Variants in TMEM131 observed in about 807,000 individuals in gnomAD.
TMEM131 encodes the protein 2610524E03Rik.
Under a neutral mutation model 211.6 loss-of-function variants are expected in TMEM131, and 66 were observed. The ratio of observed to expected loss-of-function variants is 0.31; its 90% confidence interval spans 0.26 to 0.38. The LOEUF is 0.38. TMEM131 is among the 10% of genes least tolerant of loss of function. The pLI, the probability that TMEM131 is intolerant of heterozygous loss-of-function variation, is 1.00. For missense variants in TMEM131, 2,036 were observed against 2,299.3 expected, an observed-to-expected ratio of 0.89 and a Z score of 2.34; for synonymous variants, 844 against 841.3, an observed-to-expected ratio of 1.00 and a Z score of -0.06.
Position 97,812,522 on chromosome 2 carries a change from C to T in TMEM131, c.1762G>A (p.Gly588Ser), listed in dbSNP as rs763239439. 33 of 1,610,916 alleles carry T rather than the reference C, an allele frequency of 2.0e-5. No individual in the cohort carries two copies. Among genetic ancestry groups the T allele is most frequent in the South Asian group, 1.0e-4 (9 of 90,304 alleles). ...AIKSWHIIGD[G>S]LSIELVAVER... ...ACAGCTACAAGTTCTATTGATAAACCGTCTCCTATGATATGCCAACTTTTT... is the reference window on the plus strand; with the variant it reads ...ACAGCTACAAGTTCTATTGATAAACTGTCTCCTATGATATGCCAACTTTTT... The change falls in exon 17 of 41, where the codon GGT (glycine) becomes AGT (serine). Residue 588 changes from glycine (G) to serine (S), a missense_variant. Physicochemically the swap from Gly to Ser is moderately conservative, Grantham distance 56. Transcript: ENST00000186436.
At chr2:97,805,032 T>C (rs1197751045) in intron 22 of TMEM131, 56 bp downstream of exon 22, 1 of 1,175,016 alleles carries the variant, frequency 8.5e-7, no homozygotes, top group Non-Finnish European at 1.2e-6. Context: ...GAAAGCATTA[T>C]GTTTCAATAG....
At chr2:97,976,924 T>C (rs1048695765) in intron 1 of TMEM131, among the ~76,000 whole-genome samples, 1 of 151,202 alleles carries the variant, frequency 6.6e-6, no homozygotes, top group Non-Finnish European at 1.5e-5. Context: ...TTAATTGACT[T>C]TTTAATAGAC....
At chr2:97,859,572 A>C in intron 4 of TMEM131, 145 bp from the exon 5 acceptor site, 1 of 766,914 alleles carries the variant, frequency 1.3e-6, no homozygotes, top group East Asian at 3.2e-5. Flanking sequence ...AAAATTACAC[A>C]TAAAAATGCA....
intron 4 of TMEM131, among the ~76,000 whole-genome samples, chr2:97,861,903 T>C (rs1674083492): frequency 6.6e-6 from 1 of 152,038 alleles, no homozygotes. Flanking sequence ...CAGGGAGTGG[T>C]TACAGTGGGC....
At chr2:97,849,511 G>A (rs1310810162) in intron 5 of TMEM131, among the ~76,000 whole-genome samples, 1 of 152,124 alleles carries the variant, frequency 6.6e-6, no homozygotes, top group Non-Finnish European at 1.5e-5. Flanking sequence ...TTCTGGAATA[G>A]GCTACACTCA....
At chr2:97,910,294 G>C (rs1676241225) in intron 2 of TMEM131, among the ~76,000 whole-genome samples, 1 of 152,068 alleles carries the variant, frequency 6.6e-6, no homozygotes. Context: ...TATTAAAATG[G>C]TGTAGCCACT....
chr2:97,960,840 C>T (rs563382858), intron 1 of TMEM131, among the ~76,000 whole-genome samples: 1 of 152,084 alleles, frequency 6.6e-6, no homozygotes, highest in East Asian at 1.9e-4. Flanking sequence ...AACATCCAAA[C>T]AGAGTTAATA....
chr2:97,994,811 A>T (rs1680419329), intron 1 of TMEM131, among the ~76,000 whole-genome samples: 1 of 152,212 alleles, frequency 6.6e-6, no homozygotes, highest in Non-Finnish European at 1.5e-5. Flanking sequence ...CTTAACTGTA[A>T]ATTATAGATA....
chr2:97,919,306 C>T (rs537950833), intron 2 of TMEM131, among the ~76,000 whole-genome samples: 20 of 152,276 alleles, frequency 1.3e-4, no homozygotes, highest in Non-Finnish European at 2.6e-4. Flanking sequence ...AGCCTAAAGA[C>T]TGTATTATTT....
chr2:97,951,146 A>G (rs1678291597), intron 1 of TMEM131, among the ~76,000 whole-genome samples: 1 of 152,226 alleles, frequency 6.6e-6, no homozygotes, highest in African/African-American at 2.4e-5. Context: ...ACAGGAAAAA[A>G]AAAATCCCTT....
At chr2:97,829,606 G>A (rs557086260) in intron 11 of TMEM131, among the ~76,000 whole-genome samples, 7 of 152,276 alleles carry the variant, frequency 4.6e-5, no homozygotes, top group African/African-American at 1.7e-4. Context: ...AGCCAGCAGA[G>A]GCAACTAGGG....
intron 4 of TMEM131, among the ~76,000 whole-genome samples, chr2:97,871,993 G>A (rs1674509607): frequency 1.3e-5 from 2 of 150,904 alleles, no homozygotes; most frequent in Admixed American, 1.3e-4. Flanking sequence ...ATTGCCCCAT[G>A]GGATTGTTAC....
intron 31 of TMEM131, among the ~76,000 whole-genome samples, chr2:97,788,570 G>GTC (rs1199720564): frequency 6.6e-6 from 1 of 152,060 alleles, no homozygotes; most frequent in African/African-American, 2.4e-5. Flanking sequence ...ACCAAACTGG[G>GTC]TCTCGGCCCA....
At chr2:97,809,543 C>T in intron 19 of TMEM131, 145 bp downstream of exon 19, 1 of 625,832 alleles carries the variant, frequency 1.6e-6, no homozygotes, top group Non-Finnish European at 2.9e-6. Context: ...TATCTCTTTA[C>T]ATCTTCTAAA....
rs2104781316 is a variant in TMEM131 at position 97,766,605 on chromosome 2, G to A, written c.4449-3C>T. 6.2e-7 allele frequency: 1 copy of A among 1,613,428 alleles called. No homozygotes were observed. Among genetic ancestry groups the A allele is most frequent in the Non-Finnish European group, 8.5e-7 (1 of 1,179,632 alleles). On this transcript the variant is annotated splice_region_variant and splice_polypyrimidine_tract_variant and intron_variant, in intron 33 of 40. Coordinates refer to ENST00000186436, the MANE Select transcript of TMEM131 (RefSeq NM_015348.2). ...GAGTATATGGTAGTTCTAATGAACT[G>A]AAAGACAATCAGGGATGGAAAATAC...
chr2:97,840,247 C>A (rs1007229579), intron 7 of TMEM131, among the ~76,000 whole-genome samples: 2 of 152,210 alleles, frequency 1.3e-5, no homozygotes, highest in Non-Finnish European at 2.9e-5. Flanking sequence ...CTTGGTAACT[C>A]CAAAGGCTGA....
Position 97,908,351 on chromosome 2 carries a change from A to G in TMEM131, c.290+307T>C, listed in dbSNP as rs928166102. Among the ~76,000 whole-genome samples the G allele has an allele frequency of 1.2e-4, 19 of 152,284 alleles. No homozygotes were observed. In the East Asian group the frequency reaches 2.1e-3, roughly 17 times the overall value. On this transcript the variant is annotated intron_variant, in intron 3 of 40. Transcript: ENST00000186436. ...CAGCAGTGGTCAGTACATCAAAAGCAGGGATAGCCACAAGAGAAGCCTCTA... is the reference window on the plus strand; with the variant it reads ...CAGCAGTGGTCAGTACATCAAAAGCGGGGATAGCCACAAGAGAAGCCTCTA...
intron 1 of TMEM131, among the ~76,000 whole-genome samples, chr2:97,960,701 A>G (rs893572444): frequency 6.6e-6 from 1 of 152,158 alleles, no homozygotes; most frequent in African/African-American, 2.4e-5. Flanking sequence ...ACCAGCATTA[A>G]TCCAACACCA....
At chr2:97,858,561 A>G (rs1673937430) in intron 5 of TMEM131, among the ~76,000 whole-genome samples, 1 of 152,210 alleles carries the variant, frequency 6.6e-6, no homozygotes, top group South Asian at 2.1e-4. Flanking sequence ...TCAGTTAATC[A>G]AAAGGGAGAC....
Sources: allele counts gnomAD v4.1 joint callset (sites outside exome capture counted in the v4.1 genomes callset), GRCh38; gene constraint gnomAD v4.1.1; transcripts MANE v1.5; gene names NCBI Gene and HGNC (gene_info 2026-07-23, HGNC 2026-07-21).